CENPP: variants seen among roughly 807,000 people sequenced by gnomAD.
The protein encoded by CENPP is centromere protein P.
CENPP carries 24 observed loss-of-function variants against 35.6 expected under a neutral mutation model. That is an observed-to-expected ratio of 0.67 (90% CI 0.49 to 0.95). The LOEUF (loss-of-function observed/expected upper bound fraction) is 0.95, where lower values mean the gene tolerates loss of function less well. Among genes scored for constraint, CENPP ranks in the 40% least tolerant of loss-of-function variants. CENPP has a pLI of 0.00. For synonymous variants in CENPP, 120 were observed against 125.5 expected (o/e 0.96, Z 0.29); for missense variants, 332 against 345.3 (o/e 0.96, Z 0.31).
At chr9:92,416,058 G>GTGTGTGTATATATATATATATATATATA (rs6151074) in intron 5 of CENPP, among the ~76,000 whole-genome samples, 1 of 130,930 alleles carries the variant, frequency 7.6e-6, no homozygotes, top group Non-Finnish European at 1.6e-5. Flanking sequence ...ATATATGTGT[G>GTGTGTGTATATATATATATATATATATA]TATATATATA....
intron 5 of CENPP, among the ~76,000 whole-genome samples, chr9:92,411,617 A>G (rs902611298): frequency 7.9e-5 from 12 of 152,202 alleles, no homozygotes; most frequent in Admixed American, 7.9e-4. Flanking sequence ...TTTGAATTGC[A>G]ATTTTATTAT....
intron 5 of CENPP, among the ~76,000 whole-genome samples, chr9:92,438,060 A>G (rs1051628926): frequency 2.0e-5 from 3 of 152,198 alleles, no homozygotes; most frequent in African/African-American, 7.2e-5. Context: ...CTCCCACCTC[A>G]GCTACCCATA....
At chr9:92,415,073 G>A (rs1164174380) in intron 5 of CENPP, 5 of 1,071,010 alleles carry the variant, frequency 4.7e-6, no homozygotes, top group Non-Finnish European at 6.6e-6. Flanking sequence ...ATTACTTTGA[G>A]TAATACATGT....
intron 5 of CENPP, among the ~76,000 whole-genome samples, chr9:92,549,795 G>T (rs1236198655): frequency 6.6e-6 from 1 of 152,216 alleles, no homozygotes; most frequent in South Asian, 2.1e-4. Flanking sequence ...CTGTTAGGCA[G>T]TGGAGAACAT....
Position 92,613,777 on chromosome 9 carries a change from T to C in CENPP, c.*628T>C, listed in dbSNP as rs1377248373. The stretch of plus-strand genomic sequence containing the variant: ...TGTTCCTGGGCTGGGACGCAAGGAA[T>C]GAGGTCCTTTATGAAAGAAAGACCC... On this transcript the variant is annotated 3_prime_UTR_variant, in exon 8 of 8. Transcript: ENST00000375587. 6.5e-6 allele frequency: 1 copy of C among 153,848 alleles called. No homozygotes were observed. The highest frequency in any genetic ancestry group is 1.4e-5 in the Non-Finnish European group (1 of 69,052). The allele number at this position is 153,848 out of a possible 1,614,324, so 9.5% of individuals were successfully genotyped here.
chr9:92,577,889 A>G, intron 5 of CENPP, among the ~76,000 whole-genome samples: 1 of 151,366 alleles, frequency 6.6e-6, no homozygotes, highest in African/African-American at 2.4e-5. Context: ...ATGCTGGTGC[A>G]CTGCACCCAC....
intron 5 of CENPP, among the ~76,000 whole-genome samples, chr9:92,453,320 A>C (rs1844771567): frequency 6.6e-6 from 1 of 152,184 alleles, no homozygotes. Flanking sequence ...CATTGGTTTC[A>C]AAGAACATCT....
chr9:92,491,454 A>T (rs536084016), intron 5 of CENPP, among the ~76,000 whole-genome samples: 11 of 152,222 alleles, frequency 7.2e-5, no homozygotes, highest in Admixed American at 2.6e-4. Context: ...CTTGAAGTTG[A>T]GGATCGGAGC....
chr9:92,407,204 G>A (rs576613561), intron 5 of CENPP, among the ~76,000 whole-genome samples: 2 of 152,130 alleles, frequency 1.3e-5, no homozygotes, highest in African/African-American at 4.8e-5. Context: ...TTATTAATAG[G>A]TTTGATTGAT....
At chr9:92,553,505 C>G (rs1355502154) in intron 5 of CENPP, among the ~76,000 whole-genome samples, 1 of 152,114 alleles carries the variant, frequency 6.6e-6, no homozygotes, top group African/African-American at 2.4e-5. Context: ...GCAGTATGAT[C>G]ATTTCCACAA....
Position 92,616,092 on chromosome 9 carries a change from G to GC in CENPP, c.*2949dup, listed in dbSNP as rs753502163. ...AAAAGTACCATTTCAGGATACACAA[G>GC]CCCCCCATTCATTTCCCTCCCTCCC... On this transcript the variant is annotated 3_prime_UTR_variant, in exon 8 of 8. Transcript: ENST00000375587. The GC allele has an allele frequency of 6.9e-6, 10 of 1,451,104 alleles. No homozygotes were observed. The highest frequency in any genetic ancestry group is 5.5e-5 in the Admixed American group (3 of 54,904). 89.9% of individuals were successfully genotyped at this position (1,451,104 alleles called of 1,614,324 possible). A position where few individuals can be genotyped will look rare whatever the true frequency, so the allele number is the denominator to read the frequency against.
rs560336563 is a variant in CENPP at position 92,554,565 on chromosome 9, C to G, written c.565-56749C>G. ...CCATCCCTGCATCCCTGGTATGAAA[C>G]CCACTTGATCATGGTGGATTATCTT... On this transcript the variant is annotated intron_variant, in intron 5 of 7. Coordinates refer to ENST00000375587, the MANE Select transcript of CENPP (RefSeq NM_001012267.3). 6.6e-5 allele frequency among the ~76,000 whole-genome samples: 10 copies of G among 152,214 alleles called. No homozygotes were observed. In the South Asian group the frequency reaches 1.9e-3, roughly 28 times the overall value.
intron 5 of CENPP, among the ~76,000 whole-genome samples, chr9:92,552,173 A>G (rs1564000362): frequency 8.0e-6 from 1 of 124,968 alleles, no homozygotes; most frequent in African/African-American, 3.7e-5. Flanking sequence ...TATATGTGAT[A>G]TGATAGATCT....
chr9:92,567,373 G>GATATATATATATAGATAT (rs1554688239), intron 5 of CENPP, among the ~76,000 whole-genome samples: 2 of 129,090 alleles, frequency 1.5e-5, no homozygotes, highest in Non-Finnish European at 3.3e-5. Flanking sequence ...ACATAAGATA[G>GATATATATATATAGATAT]ATATATATAT....
rs1240110173 is a variant in CENPP at position 92,495,291 on chromosome 9, T to A, written c.564+115432T>A. The A allele has an allele frequency of 7.5e-6, 6 of 800,300 alleles. No homozygotes were observed. In the Admixed American group the frequency reaches 3.1e-4, roughly 42 times the overall value. 49.6% of individuals were successfully genotyped at this position (800,300 alleles called of 1,614,324 possible). A position where few individuals can be genotyped will look rare whatever the true frequency, so the allele number is the denominator to read the frequency against. On this transcript the variant is annotated intron_variant, in intron 5 of 7. Coordinates refer to ENST00000375587, the MANE Select transcript of CENPP (RefSeq NM_001012267.3). ...TTCTATATGTGTCTTATAAATTACTTTAGCAATACAAAGATAAAAATCATT... is the reference window on the plus strand; with the variant it reads ...TTCTATATGTGTCTTATAAATTACTATAGCAATACAAAGATAAAAATCATT...
intron 4 of CENPP, among the ~76,000 whole-genome samples, chr9:92,378,789 C>T (rs1366908805): frequency 6.6e-6 from 1 of 152,118 alleles, no homozygotes; most frequent in African/African-American, 2.4e-5. Context: ...TTCTCCTAGG[C>T]AAAGGAGTGA....
chr9:92,612,519 T>C lies in CENPP; in HGVS notation c.645-4T>C, dbSNP rs770595673. ...CATAACGACATGTTTTACTGCTTTT[T>C]CAGGTTTGAATTAGTCATTGTTTGG... is the stretch of plus-strand genomic sequence containing the variant. On this transcript the variant is annotated splice_region_variant and splice_polypyrimidine_tract_variant and intron_variant, in intron 6 of 7. Transcript: ENST00000375587. 2 of 1,610,978 alleles carry C rather than the reference T, an allele frequency of 1.2e-6. No homozygotes were observed. The highest frequency in any genetic ancestry group is 2.7e-5 in the African/African-American group (2 of 74,848).
chr9:92,462,565 C>T (rs1924243), intron 5 of CENPP, among the ~76,000 whole-genome samples: 61,563 of 151,992 alleles, frequency 0.41, 14,569 homozygotes, highest in African/African-American at 0.65. Context: ...AAATATTTCC[C>T]TTCTATATTA....
rs546154385 is a variant in CENPP, at chr9:92,416,509, A to G, written c.564+36650A>G. On this transcript the variant is annotated intron_variant, in intron 5 of 7. Transcript: ENST00000375587. ...TCTGCCATTCCCTTAAGCAACTTCA[A>G]AACAACTATTTTCAGCAATGTCTAA... 2.7e-5 allele frequency: 19 copies of G among 714,018 alleles called. No homozygotes were observed. The African/African-American group carries it at 3.4e-4, about 13-fold the overall frequency. 44.2% of individuals were successfully genotyped at this position (714,018 alleles called of 1,614,324 possible).
Sources: gnomAD v4.1 joint callset for allele counts (sites outside exome capture counted in the v4.1 genomes callset) on GRCh38, gnomAD v4.1.1 for gene constraint, MANE v1.5 for transcripts, NCBI Gene and HGNC (gene_info 2026-07-23, HGNC 2026-07-21) for gene names.